The following CFAP299 variants were observed in gnomAD, a reference collection of about 807,000 sequenced individuals.
CFAP299 encodes cilia- and flagella-associated protein 299.
CFAP299 carries 21 observed loss-of-function variants against 27.0 expected under a neutral mutation model. The observed-to-expected ratio is 0.78, with a 90% CI of 0.55 to 1.12. The LOEUF is 1.12. Ranked by LOEUF, CFAP299 falls within the 50% of genes most tolerant of loss-of-function variation. CFAP299 has a pLI of 0.00. For missense variants in CFAP299, 310 were observed against 276.6 expected, an observed-to-expected ratio of 1.12 and a Z score of -0.86; for synonymous variants, 104 against 98.1, an observed-to-expected ratio of 1.06 and a Z score of -0.36.
intron 3 of CFAP299, among the ~76,000 whole-genome samples, chr4:80,835,331 C>T (rs1730504472): frequency 6.6e-6 from 1 of 152,006 alleles, no homozygotes; most frequent in Non-Finnish European, 1.5e-5. Context: ...ATCTCCTGAC[C>T]TCCTGATCCG....
At chr4:80,513,779 C>G (rs183152072) in intron 2 of CFAP299, among the ~76,000 whole-genome samples, 2 of 152,178 alleles carry the variant, frequency 1.3e-5, no homozygotes, top group East Asian at 3.9e-4. Context: ...ATCCCAACTA[C>G]CTTGAGAATA....
In CFAP299 at chr4:80,836,684, C is replaced by T. The variant is rs1007116958; in HGVS notation, c.334-33309C>T. ...AACTTTAAGCACATTTTCAGAATCC[C>T]TTATGTCAAGGAAAGTGACATATTT... On this transcript the variant is annotated intron_variant, in intron 3 of 5. Coordinates refer to ENST00000358105, the MANE Select transcript of CFAP299 (RefSeq NM_152770.3). 7.2e-5 allele frequency among the ~76,000 whole-genome samples: 11 copies of T among 152,080 alleles called. No homozygotes were observed. In the South Asian group the frequency reaches 1.0e-3, roughly 14 times the overall value.
intron 3 of CFAP299, among the ~76,000 whole-genome samples, chr4:80,679,873 T>C (rs1399295532): frequency 6.6e-6 from 1 of 152,030 alleles, no homozygotes; most frequent in Non-Finnish European, 1.5e-5. Flanking sequence ...TTGCAAACAT[T>C]TTCTCCCAGA....
chr4:80,859,987 A>C (rs918669705), intron 3 of CFAP299, among the ~76,000 whole-genome samples: 1 of 152,126 alleles, frequency 6.6e-6, no homozygotes, highest in African/African-American at 2.4e-5. Flanking sequence ...GTTCTCCTGG[A>C]TAATATCCTG....
Position 80,913,050 on chromosome 4 carries a change from G to T in CFAP299, c.477-31760G>T, listed in dbSNP as rs562850747. ...TTATATACCACTGTAAGAATAATGA[G>T]AAATTTTTTATAAAGGCACCTCCAA... On this transcript the variant is annotated intron_variant, in intron 4 of 5. Coordinates refer to ENST00000358105, the MANE Select transcript of CFAP299 (RefSeq NM_152770.3). Among the ~76,000 whole-genome samples, 32 of 152,276 alleles carry T rather than the reference G, an allele frequency of 2.1e-4. 1 individual carries two copies. Among genetic ancestry groups the T allele is most frequent in the African/African-American group, 7.7e-4 (32 of 41,558 alleles).
chr4:80,776,588 G>C (rs780025329), intron 3 of CFAP299, among the ~76,000 whole-genome samples: 5 of 151,904 alleles, frequency 3.3e-5, no homozygotes, highest in Admixed American at 6.6e-5. Context: ...GCCTGTCGGG[G>C]GATGAGGGCA....
intron 2 of CFAP299, among the ~76,000 whole-genome samples, chr4:80,399,997 A>G (rs993468275): frequency 5.3e-5 from 8 of 152,218 alleles, no homozygotes; most frequent in Non-Finnish European, 4.4e-5. Context: ...TAGAAATAGT[A>G]GACTTTTAAA....
intron 3 of CFAP299, among the ~76,000 whole-genome samples, chr4:80,782,400 CT>C (rs2110091914): frequency 6.6e-6 from 1 of 151,216 alleles, no homozygotes; most frequent in East Asian, 1.9e-4. Context: ...ACAAATTTTT[CT>C]TTTTCTTCAG....
chr4:80,730,262 G>C (rs1723435735), intron 3 of CFAP299, among the ~76,000 whole-genome samples: 2 of 149,346 alleles, frequency 1.3e-5, no homozygotes, highest in South Asian at 2.2e-4. Flanking sequence ...GTGTGTGTGT[G>C]TGTGTGTGTG....
intron 3 of CFAP299, among the ~76,000 whole-genome samples, chr4:80,664,119 C>A (rs1388003460): frequency 6.6e-6 from 1 of 152,100 alleles, no homozygotes; most frequent in Non-Finnish European, 1.5e-5. Flanking sequence ...TTTTGCTGTG[C>A]AGAAGCTCTT....
At chr4:80,400,894 A>G (rs954966161) in intron 2 of CFAP299, among the ~76,000 whole-genome samples, 4 of 152,212 alleles carry the variant, frequency 2.6e-5, no homozygotes, top group Admixed American at 6.5e-5. Flanking sequence ...GATATAGACA[A>G]TAAGGTCCAG....
rs531340913 is a variant in CFAP299 at position 80,714,641 on chromosome 4, C to G, written c.333+131458C>G. 7.2e-5 allele frequency among the ~76,000 whole-genome samples: 11 copies of G among 152,222 alleles called. No individual in the cohort carries two copies. In the South Asian group the frequency reaches 2.3e-3, roughly 32 times the overall value. ...ATGTTGAGTCCATCAAGAAAACGCT[C>G]TCCTTTAACATTGGCAGTAATTTAG... On this transcript the variant is annotated intron_variant, in intron 3 of 5. Coordinates refer to ENST00000358105, the MANE Select transcript of CFAP299 (RefSeq NM_152770.3).
Position 80,436,179 on chromosome 4 carries a change from T to C in CFAP299, c.242+73295T>C, listed in dbSNP as rs191705923. Among the ~76,000 whole-genome samples the C allele has an allele frequency of 8.7e-4, 133 of 152,306 alleles. 1 individual carries two copies. Among genetic ancestry groups the C allele is most frequent in the African/African-American group, 3.2e-3 (131 of 41,562 alleles). On this transcript the variant is annotated intron_variant, in intron 2 of 5. Transcript: ENST00000358105. ...AGTGATGTAGCACCTGATTTTTAGTTAGGATTTCCAAAAATATGGTAAGTT... is the reference window on the plus strand; with the variant it reads ...AGTGATGTAGCACCTGATTTTTAGTCAGGATTTCCAAAAATATGGTAAGTT...
At chr4:80,911,316 A>G (rs1735463298) in intron 4 of CFAP299, among the ~76,000 whole-genome samples, 2 of 149,406 alleles carry the variant, frequency 1.3e-5, no homozygotes, top group African/African-American at 4.9e-5. Context: ...CCCTCCTCCC[A>G]TTCTATTCAA....
chr4:80,678,954 A>G (rs1429212135), intron 3 of CFAP299, among the ~76,000 whole-genome samples: 1 of 151,944 alleles, frequency 6.6e-6, no homozygotes, highest in East Asian at 1.9e-4. Context: ...ACATGCATCC[A>G]TTTGTTTTTC....
At chr4:80,366,935 G>A (rs77428678) in intron 2 of CFAP299, among the ~76,000 whole-genome samples, 7,586 of 152,142 alleles carry the variant, frequency 0.05, 249 homozygotes, top group Middle Eastern at 0.18. Context: ...ATTAGGGTAA[G>A]CAAAGGAGGC....
chr4:80,846,442 A>G (rs942202782), intron 3 of CFAP299, among the ~76,000 whole-genome samples: 7 of 152,204 alleles, frequency 4.6e-5, no homozygotes, highest in African/African-American at 1.7e-4. Context: ...CTCATTAGGT[A>G]TCCTTGAATG....
intron 3 of CFAP299, among the ~76,000 whole-genome samples, chr4:80,825,655 CA>C (rs2110127443): frequency 6.6e-6 from 1 of 151,924 alleles, no homozygotes; most frequent in South Asian, 2.1e-4. Flanking sequence ...AAATAGTCTT[CA>C]AAAGTACAGA....
At chr4:80,865,544 C>T (rs1425902062) in intron 3 of CFAP299, among the ~76,000 whole-genome samples, 3 of 152,118 alleles carry the variant, frequency 2.0e-5, no homozygotes, top group Non-Finnish European at 4.4e-5. Context: ...AATTTCCTGA[C>T]AATTTGTCAG....
Sources: allele counts gnomAD v4.1 joint callset (sites outside exome capture counted in the v4.1 genomes callset), GRCh38; gene constraint gnomAD v4.1.1; transcripts MANE v1.5; gene names NCBI Gene and HGNC (gene_info 2026-07-23, HGNC 2026-07-21).